FBN2: variants seen among roughly 807,000 people sequenced by gnomAD.
The protein encoded by FBN2 is fibrillin 2.
Under a neutral mutation model 355.6 loss-of-function variants are expected in FBN2, and 105 were observed. The observed-to-expected ratio is 0.30, with a 90% CI of 0.25 to 0.35. FBN2 has a LOEUF of 0.35. FBN2 is among the 10% of genes least tolerant of loss of function. The pLI is 1.00. For synonymous variants in FBN2, 1,350 were observed against 1,301.2 expected, an observed-to-expected ratio of 1.04 and a Z score of -0.81; for missense variants, 3,280 against 3,758.7, an observed-to-expected ratio of 0.87 and a Z score of 3.33.
chr5:128,335,674 T>A, intron 28 of FBN2, 97 bp from the exon 29 acceptor site: 1 of 1,394,158 alleles, frequency 7.2e-7, no homozygotes, highest in Non-Finnish European at 1.0e-6. Context: ...CTTTGAATTT[T>A]TCTCCCCACT....
intron 9 of FBN2, 46 bp from the exon 10 acceptor site, chr5:128,393,414 T>C: frequency 1.3e-6 from 2 of 1,540,132 alleles, no homozygotes; most frequent in South Asian, 1.1e-5. Context: ...AATGTCTTTC[T>C]GCATAACAAA....
intron 7 of FBN2, among the ~76,000 whole-genome samples, chr5:128,420,891 G>T (rs1753328818): frequency 6.6e-6 from 1 of 152,094 alleles, no homozygotes; most frequent in Non-Finnish European, 1.5e-5. Flanking sequence ...CATCAAAGAA[G>T]ATTAACAACA....
At chr5:128,322,297 C>T (rs1750400020) in intron 34 of FBN2, among the ~76,000 whole-genome samples, 2 of 152,152 alleles carry the variant, frequency 1.3e-5, no homozygotes, top group South Asian at 4.2e-4. Flanking sequence ...AATTAGATCC[C>T]ACTTGTCAAT....
chr5:128,374,399 T>TTGCCTAAC (rs879702138), intron 15 of FBN2, among the ~76,000 whole-genome samples: 173 of 152,306 alleles, frequency 1.1e-3, no homozygotes, highest in Middle Eastern at 3.4e-3. Context: ...ACGAATCTAC[T>TTGCCTAAC]TTGTCACAAC....
At chr5:128,507,748 TA>T (rs1345783449) in intron 5 of FBN2, among the ~76,000 whole-genome samples, 4 of 152,082 alleles carry the variant, frequency 2.6e-5, no homozygotes, top group Non-Finnish European at 5.9e-5. Flanking sequence ...GAATGTATAT[TA>T]TCTGCTGCTG....
intron 21 of FBN2, among the ~76,000 whole-genome samples, chr5:128,350,261 T>G (rs1751310589): frequency 1.3e-5 from 2 of 152,198 alleles, no homozygotes; most frequent in African/African-American, 2.4e-5. Context: ...CATTGACAAC[T>G]GAGTTAAAAG....
chr5:128,500,939 T>C (rs1319847087), intron 5 of FBN2, among the ~76,000 whole-genome samples: 1 of 152,138 alleles, frequency 6.6e-6, no homozygotes, highest in Non-Finnish European at 1.5e-5. Context: ...AACTGGACAG[T>C]GAAGACAGAA....
chr5:128,519,011 C>T (rs1444564978), intron 5 of FBN2, among the ~76,000 whole-genome samples: 2 of 152,080 alleles, frequency 1.3e-5, no homozygotes, highest in East Asian at 3.9e-4. Flanking sequence ...TTAGAATTTG[C>T]CATCAGTCAC....
chr5:128,380,690 T>C (rs184343632), intron 11 of FBN2, among the ~76,000 whole-genome samples: 6 of 152,216 alleles, frequency 3.9e-5, no homozygotes, highest in Admixed American at 2.0e-4. Context: ...AACCCATTTG[T>C]TGTTTTTCGT....
chr5:128,530,977 T>C (rs1422418015), intron 2 of FBN2, among the ~76,000 whole-genome samples: 1 of 152,084 alleles, frequency 6.6e-6, no homozygotes, highest in Non-Finnish European at 1.5e-5. Flanking sequence ...AAAGTAGAAC[T>C]ACCATTTGAT....
intron 6 of FBN2, among the ~76,000 whole-genome samples, chr5:128,449,266 T>C (rs1754156283): frequency 6.7e-6 from 1 of 149,250 alleles, no homozygotes; most frequent in South Asian, 2.1e-4. Context: ...TATTACATTA[T>C]AAGTGAAGTG....
intron 8 of FBN2, among the ~76,000 whole-genome samples, chr5:128,406,689 C>T (rs1752936253): frequency 6.6e-6 from 1 of 152,068 alleles, no homozygotes; most frequent in African/African-American, 2.4e-5. Context: ...GGAGTCATAC[C>T]CTGGACGGGC....
chr5:128,278,578 C>A (rs1172679106), intron 57 of FBN2, 57 bp downstream of exon 57: 19 of 1,504,896 alleles, frequency 1.3e-5, no homozygotes, highest in Non-Finnish European at 1.6e-5. Flanking sequence ...TCACATTTAT[C>A]TGAATTCATA....
chr5:128,533,814 A>C (rs1011319312), intron 2 of FBN2, among the ~76,000 whole-genome samples: 2 of 152,206 alleles, frequency 1.3e-5, no homozygotes, highest in African/African-American at 4.8e-5. Flanking sequence ...TTTCACAATA[A>C]ATAAATTAAT....
At chr5:128,427,376 G>A (rs1314525833) in intron 7 of FBN2, among the ~76,000 whole-genome samples, 1 of 152,056 alleles carries the variant, frequency 6.6e-6, no homozygotes, top group Non-Finnish European at 1.5e-5. Context: ...ACTAAATATA[G>A]CACCTTACCA....
intron 36 of FBN2, among the ~76,000 whole-genome samples, chr5:128,315,031 T>C (rs1750163392): frequency 6.6e-6 from 1 of 152,214 alleles, no homozygotes; most frequent in Non-Finnish European, 1.5e-5. Flanking sequence ...TCCATTGGCA[T>C]ATACAGCCAC....
Position 128,291,556 on chromosome 5 carries a change from G to C in FBN2, c.6265C>G (p.Leu2089Val), listed in dbSNP as rs754213834. 1.2e-6 allele frequency: 2 copies of C among 1,613,974 alleles called. No homozygotes were observed. Among genetic ancestry groups the C allele is most frequent in the Admixed American group, 1.7e-5 (1 of 60,016 alleles). ...FQCLCPPGFVLSDNGRRCFDT... is the reference protein window; with the variant it reads ...FQCLCPPGFVVSDNGRRCFDT... ...AAGCATCTCCGTCCATTATCAGATAGTACAAAGCCAGGGGGGCAGAGGCAC... is the reference window on the plus strand; with the variant it reads ...AAGCATCTCCGTCCATTATCAGATACTACAAAGCCAGGGGGGCAGAGGCAC... Residue 2089 changes from leucine (L) to valine (V), a missense_variant, in exon 49 of 65, where the codon CTA (leucine) becomes GTA (valine). Around this residue, in one of 6 missense-constraint regions of FBN2, gnomAD observed 2,284 missense variants for 2,749.5 expected, o/e 0.83. Coordinates refer to ENST00000262464, the MANE Select transcript of FBN2 (RefSeq NM_001999.4).
chr5:128,440,368 C>G (rs1289643454), intron 7 of FBN2, among the ~76,000 whole-genome samples: 1 of 152,008 alleles, frequency 6.6e-6, no homozygotes, highest in Non-Finnish European at 1.5e-5. Flanking sequence ...GCAGGCAGTA[C>G]AGGAAGCATG....
At chr5:128,314,900 G>A (rs1330714707) in intron 36 of FBN2, among the ~76,000 whole-genome samples, 2 of 151,940 alleles carry the variant, frequency 1.3e-5, no homozygotes, top group Non-Finnish European at 2.9e-5. Context: ...CAACTCCGTG[G>A]TGTATAATTG....
Sources: gnomAD v4.1 joint callset for allele counts (sites outside exome capture counted in the v4.1 genomes callset) on GRCh38, gnomAD v4.1.1 for gene constraint, gnomAD v4.1.1 regional missense constraint, MANE v1.5 for transcripts, NCBI Gene and HGNC (gene_info 2026-07-23, HGNC 2026-07-21) for gene names.